The following MBP variants were observed in gnomAD, a reference collection of about 807,000 sequenced individuals.
MBP encodes myelin basic protein.
In MBP, 16 loss-of-function variants were observed where a neutral mutation model predicts 35.8. The observed-to-expected ratio is 0.45, with a 90% CI of 0.30 to 0.68. The LOEUF is 0.68. Ranked by LOEUF, MBP falls within the 30% of genes least tolerant of loss-of-function variation. The pLI is 0.08. For missense variants in MBP, 380 were observed against 404.7 expected (o/e 0.94, Z 0.52); for synonymous variants, 143 against 159.6 (o/e 0.90, Z 0.78).
intron 3 of MBP, among the ~76,000 whole-genome samples, chr18:77,030,616 A>T (rs1301875700): frequency 1.3e-5 from 2 of 152,248 alleles, no homozygotes; most frequent in Non-Finnish European, 2.9e-5. Flanking sequence ...GTTATTTTCC[A>T]TAATTGCTCA....
At chr18:77,027,874 A>G (rs1972284263) in intron 3 of MBP, among the ~76,000 whole-genome samples, 1 of 152,138 alleles carries the variant, frequency 6.6e-6, no homozygotes, top group Non-Finnish European at 1.5e-5. Context: ...TTTTTTGTAA[A>G]GACAAGGTCT....
chr18:77,001,867 A>G (rs979195053), intron 4 of MBP, among the ~76,000 whole-genome samples: 7 of 151,238 alleles, frequency 4.6e-5, no homozygotes, highest in Admixed American at 3.3e-4. Flanking sequence ...AGAAAAGAAA[A>G]AAAGCCTGTA....
intron 7 of MBP, chr18:76,985,800 T>G (rs1969523747): frequency 1.0e-6 from 1 of 989,710 alleles, no homozygotes; most frequent in Non-Finnish European, 1.2e-6. Context: ...AAGCCGTTCA[T>G]GGAGATGCCA....
intron 1 of MBP, among the ~76,000 whole-genome samples, chr18:77,130,832 T>C (rs1040152942): frequency 6.6e-6 from 1 of 151,964 alleles, no homozygotes; most frequent in Non-Finnish European, 1.5e-5. Flanking sequence ...CGACGTGTCT[T>C]ACACTTTCTT....
rs532743798 is a variant in MBP, at chr18:77,093,775, T to C, written c.51+11436A>G. Reference sequence around the variant, plus strand: ...AATTCCCACGGGCGGGCGCTGCAACTGCTGGACACCCCGCCCAGCAGCCTG... The same window carrying C: ...AATTCCCACGGGCGGGCGCTGCAACCGCTGGACACCCCGCCCAGCAGCCTG... On this transcript the variant is annotated intron_variant, in intron 2 of 8. Coordinates refer to ENST00000355994, the MANE Select transcript of MBP (RefSeq NM_001025101.2). 1.3e-3 allele frequency among the ~76,000 whole-genome samples: 202 copies of C among 152,302 alleles called. 1 individual carries two copies. Among genetic ancestry groups the C allele is most frequent in the Non-Finnish European group, 2.3e-3 (157 of 68,022 alleles).
chr18:77,118,723 C>T (rs1158193082), intron 1 of MBP, among the ~76,000 whole-genome samples: 1 of 147,390 alleles, frequency 6.8e-6, no homozygotes, highest in Non-Finnish European at 1.5e-5. Flanking sequence ...TATATGCATA[C>T]CACACACACC....
At chr18:77,094,608 A>C (rs918366990) in intron 2 of MBP, among the ~76,000 whole-genome samples, 1 of 152,154 alleles carries the variant, frequency 6.6e-6, no homozygotes, top group African/African-American at 2.4e-5. Context: ...TATTTGGGGC[A>C]TTCATAAATG....
chr18:76,985,866 A>G (rs566696269), intron 7 of MBP: 3 of 988,910 alleles, frequency 3.0e-6, no homozygotes, highest in African/African-American at 3.5e-5. Flanking sequence ...CATTTATGGA[A>G]GAGCAGGCCG....
At chr18:76,999,494 T>A (rs1029067066) in intron 4 of MBP, among the ~76,000 whole-genome samples, 2 of 152,002 alleles carry the variant, frequency 1.3e-5, no homozygotes, top group Non-Finnish European at 2.9e-5. Context: ...CTCACTCTGT[T>A]GTCCAGGCTG....
chr18:77,124,533 G>A (rs1320777337), intron 1 of MBP, among the ~76,000 whole-genome samples: 12 of 152,120 alleles, frequency 7.9e-5, no homozygotes. Flanking sequence ...CCCGGAAGTG[G>A]GGGTTGGACG....
At chr18:77,036,981 ACGTTTTG>A (rs1249456382) in intron 3 of MBP, among the ~76,000 whole-genome samples, 1 of 48,458 alleles carries the variant, frequency 2.1e-5, no homozygotes, top group Non-Finnish European at 4.2e-5. Flanking sequence ...AGTGCTGGTC[ACGTTTTG>A]GAGGACTGAG....
intron 1 of MBP, among the ~76,000 whole-genome samples, chr18:77,121,954 G>A (rs1976896444): frequency 6.6e-6 from 1 of 152,152 alleles, no homozygotes; most frequent in Non-Finnish European, 1.5e-5. Flanking sequence ...TGTTGTTGTT[G>A]TTTTTGTCAA....
At chr18:77,100,511 GTGTGTGTGT>G (rs1568339760) in intron 2 of MBP, among the ~76,000 whole-genome samples, 405 of 52,354 alleles carry the variant, frequency 7.7e-3, no homozygotes, top group Non-Finnish European at 0.01. Flanking sequence ...AATTTGGGGT[GTGTGTGTGT>G]GTGTGTGTGT....
chr18:77,060,607 C>A (rs181647879), intron 3 of MBP, among the ~76,000 whole-genome samples: 49 of 152,100 alleles, frequency 3.2e-4, no homozygotes, highest in East Asian at 2.3e-3. Flanking sequence ...TGCACTACTA[C>A]ATCCAGCTAA....
At chr18:77,054,317 G>A (rs1183652573) in intron 3 of MBP, among the ~76,000 whole-genome samples, 1 of 152,266 alleles carries the variant, frequency 6.6e-6, no homozygotes, top group African/African-American at 2.4e-5. Flanking sequence ...AACGAGAAGG[G>A]ACATGGAGCG....
intron 1 of MBP, among the ~76,000 whole-genome samples, chr18:77,121,175 T>C (rs1003545319): frequency 6.6e-6 from 1 of 152,172 alleles, no homozygotes; most frequent in Non-Finnish European, 1.5e-5. Flanking sequence ...TGTGGCAGTG[T>C]GAGCCTGTCT....
rs1024126866 is a variant in MBP at position 77,009,818 on chromosome 18, C to A, written c.576+7014G>T. ...CAGGAAACGGCAGGTCACCCCTGGC[C>A]CCGATGGGTGAGGACCCGCCGGCGT... On this transcript the variant is annotated intron_variant, in intron 4 of 8. Transcript: ENST00000355994. 4.5e-6 allele frequency: 7 copies of A among 1,544,958 alleles called. No homozygotes were observed. The Admixed American group carries it at 9.8e-5, about 22-fold the overall frequency.
Position 76,989,381 on chromosome 18 carries a change from C to T in MBP, c.682-469G>A, listed in dbSNP as rs1969761565. 6.6e-6 allele frequency among the ~76,000 whole-genome samples: 1 copy of T among 152,202 alleles called. No homozygotes were observed. The highest frequency in any genetic ancestry group is 1.5e-5 in the Non-Finnish European group (1 of 68,032). On this transcript the variant is annotated intron_variant, in intron 5 of 8. Coordinates refer to ENST00000355994, the MANE Select transcript of MBP (RefSeq NM_001025101.2). This position sits in a 1 kb window ranked among gnomAD's most constrained non-coding sequence, Gnocchi z 4.0. The stretch of plus-strand genomic sequence containing the variant: ...GGAATTAGAAGCCTGTGGTTTTGTT[C>T]TTGTTTTTAATCGTCTTCGTTTTGC...
In MBP at chr18:76,988,470, C is replaced by T. The variant is rs763740443; in HGVS notation, c.750+25G>A. 7 of 1,614,026 alleles carry T rather than the reference C, an allele frequency of 4.3e-6. No individual in the cohort carries two copies. In the East Asian group the frequency reaches 1.1e-4, roughly 26 times the overall value. ...TGAGGACTGGGACGGAAGAGGAAGC[C>T]GATGGAAGTGCGTTCGTCACCTACC... On this transcript the variant is annotated intron_variant, in intron 7 of 8. Coordinates refer to ENST00000355994, the MANE Select transcript of MBP (RefSeq NM_001025101.2). The surrounding 1 kb of genome is among the most constrained non-coding windows in gnomAD (Gnocchi z 5.2).
Sources: gnomAD v4.1 joint callset for allele counts (sites outside exome capture counted in the v4.1 genomes callset) on GRCh38, gnomAD v4.1.1 for gene constraint, Gnocchi (gnomAD v3.1) non-coding constraint, MANE v1.5 for transcripts, NCBI Gene and HGNC (gene_info 2026-07-23, HGNC 2026-07-21) for gene names.